SLC44A5: variants seen among roughly 807,000 people sequenced by gnomAD.
SLC44A5 encodes the protein choline transporter-like protein 5.
In SLC44A5, 57 loss-of-function variants were observed where a neutral mutation model predicts 101.8. The observed-to-expected ratio is 0.56, with a 90% CI of 0.45 to 0.70. The LOEUF is 0.70. Ranked by LOEUF, SLC44A5 falls within the 30% of genes least tolerant of loss-of-function variation. The pLI, the probability that SLC44A5 is intolerant of heterozygous loss-of-function variation, is 0.00. For missense variants in SLC44A5, 737 were observed against 853.1 expected, an observed-to-expected ratio of 0.86 and a Z score of 1.70; for synonymous variants, 281 against 290.9, an observed-to-expected ratio of 0.97 and a Z score of 0.35.
intron 4 of SLC44A5, among the ~76,000 whole-genome samples, chr1:75,329,502 C>T (rs764832818): frequency 2.0e-5 from 3 of 151,506 alleles, no homozygotes; most frequent in Non-Finnish European, 4.4e-5. Context: ...CCGAGTTATG[C>T]TTATACTTCT....
intron 4 of SLC44A5, among the ~76,000 whole-genome samples, chr1:75,331,095 G>C (rs945846726): frequency 6.6e-6 from 1 of 151,406 alleles, no homozygotes; most frequent in Admixed American, 6.6e-5. Context: ...TTTGAGTCTG[G>C]AGTGTTGTTC....
At chr1:75,217,751 C>A in intron 18 of SLC44A5, 115 bp downstream of exon 18, 2 of 715,990 alleles carry the variant, frequency 2.8e-6, no homozygotes, top group Non-Finnish European at 5.0e-6. Context: ...CAGAACGGGT[C>A]CCAAATATGC....
chr1:75,579,254 A>G (rs1012130836), intron 1 of SLC44A5, among the ~76,000 whole-genome samples: 3 of 152,178 alleles, frequency 2.0e-5, no homozygotes, highest in Non-Finnish European at 4.4e-5. Flanking sequence ...GCCTTTGACT[A>G]ATCAGCTGAA....
At chr1:75,231,014 C>A (rs968850403) in intron 12 of SLC44A5, among the ~76,000 whole-genome samples, 1 of 152,184 alleles carries the variant, frequency 6.6e-6, no homozygotes, top group African/African-American at 2.4e-5. Context: ...TGTTTTCTTG[C>A]AGGTCAGGTA....
chr1:75,370,320 T>C (rs1420433027), intron 3 of SLC44A5, among the ~76,000 whole-genome samples: 1 of 152,222 alleles, frequency 6.6e-6, no homozygotes, highest in African/African-American at 2.4e-5. Context: ...TTATTGAAAT[T>C]TTTCCAGTTA....
chr1:75,419,860 G>A (rs1443433657), intron 2 of SLC44A5, among the ~76,000 whole-genome samples: 4 of 152,132 alleles, frequency 2.6e-5, no homozygotes, highest in African/African-American at 9.7e-5. Context: ...TATACATGGA[G>A]TGGTATAATA....
the SLC44A5 span, among the ~76,000 whole-genome samples, chr1:75,683,627 G>A: frequency 2.0e-5 from 3 of 152,074 alleles, no homozygotes; most frequent in Non-Finnish European, 4.4e-5. Flanking sequence ...AAGGGGGGAG[G>A]GATAGCATTG....
chr1:75,715,538 G>T, the SLC44A5 span, among the ~76,000 whole-genome samples: 9 of 152,252 alleles, frequency 5.9e-5, no homozygotes, highest in African/African-American at 2.2e-4. Flanking sequence ...AAAAACAAGC[G>T]ATGCGGATAA....
At chr1:75,535,974 G>A (rs774693330) in intron 2 of SLC44A5, among the ~76,000 whole-genome samples, 22 of 151,234 alleles carry the variant, frequency 1.5e-4, no homozygotes, top group Admixed American at 5.3e-4. Context: ...TTTGGGAGGC[G>A]GAGGCGGGAG....
the SLC44A5 span, among the ~76,000 whole-genome samples, chr1:75,694,225 G>C: frequency 6.6e-6 from 1 of 151,974 alleles, no homozygotes. Context: ...TTGGCCTTAT[G>C]TCAGAAAAAT....
At chr1:75,461,330 C>T (rs1384685181) in intron 2 of SLC44A5, among the ~76,000 whole-genome samples, 1 of 152,128 alleles carries the variant, frequency 6.6e-6, no homozygotes, top group Non-Finnish European at 1.5e-5. Context: ...CACCTTTCTC[C>T]CTGTAAGATA....
chr1:75,599,757 G>A (rs1375407491), intron 1 of SLC44A5, among the ~76,000 whole-genome samples: 1 of 152,082 alleles, frequency 6.6e-6, no homozygotes, highest in African/African-American at 2.4e-5. Flanking sequence ...AGGCAGAGAA[G>A]CATAAAAGAA....
intron 1 of SLC44A5, among the ~76,000 whole-genome samples, chr1:75,563,730 C>T (rs1309546362): frequency 2.6e-5 from 4 of 151,950 alleles, no homozygotes; most frequent in Non-Finnish European, 1.5e-5. Flanking sequence ...TTTATAAGAC[C>T]GCATTATCCT....
At chr1:75,404,388 C>T (rs947527469) in intron 2 of SLC44A5, among the ~76,000 whole-genome samples, 1 of 152,118 alleles carries the variant, frequency 6.6e-6, no homozygotes, top group Non-Finnish European at 1.5e-5. Context: ...CCCAAAGACA[C>T]ATAATCATCA....
chr1:75,622,156 T>C, the SLC44A5 span, among the ~76,000 whole-genome samples: 4 of 152,090 alleles, frequency 2.6e-5, no homozygotes, highest in African/African-American at 9.7e-5. Context: ...TTATGTGTGT[T>C]TGAATTGGGC....
chr1:75,276,286 A>G (rs1651913160), intron 5 of SLC44A5, among the ~76,000 whole-genome samples: 1 of 152,180 alleles, frequency 6.6e-6, no homozygotes, highest in Non-Finnish European at 1.5e-5. Flanking sequence ...CAAATAAGGC[A>G]TTTAAATAAC....
At position 75,238,527 on chromosome 1, in the gene SLC44A5, G is replaced by A. The variant is rs181533817; in HGVS notation, c.642C>T (p.Leu214=). ...AACACACATACTTTGCAGCAATCCC[G>A]AGTTCTACAACACTTCTTGTCCCTC... ...GNGGTRSVVE[L]GIAANGINKL... The change falls in exon 10 of 24, where the codon CTC becomes CTT. Residue 214 remains leucine (L), a synonymous_variant. Coordinates refer to ENST00000370859, the MANE Select transcript of SLC44A5 (RefSeq NM_001130058.2). 6.0e-4 allele frequency: 958 copies of A among 1,595,704 alleles called. No individual in the cohort carries two copies. In the East Asian group the frequency reaches 9.8e-3, roughly 16 times the overall value.
chr1:75,536,559 C>T (rs1364460170), intron 2 of SLC44A5, among the ~76,000 whole-genome samples: 2 of 142,978 alleles, frequency 1.4e-5, no homozygotes, highest in African/African-American at 2.6e-5. Context: ...CGAGATCGCG[C>T]CACTGCACTC....
At chr1:75,307,029 C>T (rs1441342476) in intron 4 of SLC44A5, among the ~76,000 whole-genome samples, 2 of 152,058 alleles carry the variant, frequency 1.3e-5, no homozygotes, top group Admixed American at 6.5e-5. Flanking sequence ...TGAGCCACCG[C>T]GCCCGGCCGG....
Sources: allele counts gnomAD v4.1 joint callset (sites outside exome capture counted in the v4.1 genomes callset), GRCh38; gene constraint gnomAD v4.1.1; transcripts MANE v1.5; gene names NCBI Gene and HGNC (gene_info 2026-07-23, HGNC 2026-07-21).